CMC1: variants seen among roughly 807,000 people sequenced by gnomAD.
CMC1 encodes the protein C-X9-C motif containing 1.
Under a neutral mutation model 14.1 loss-of-function variants are expected in CMC1, and 14 were observed. The observed-to-expected ratio is 0.99, with a 90% CI of 0.66 to 1.55. The LOEUF is 1.55. Ranked by LOEUF, CMC1 falls within the 40% of genes most tolerant of loss-of-function variation. The pLI, the probability that CMC1 is intolerant of heterozygous loss-of-function variation, is 0.00. For synonymous variants in CMC1, 50 were observed against 38.4 expected, an observed-to-expected ratio of 1.30 and a Z score of -1.12; for missense variants, 127 against 123.8, an observed-to-expected ratio of 1.03 and a Z score of -0.12.
chr3:28,254,970 T>G (rs1699316323), intron 1 of CMC1, among the ~76,000 whole-genome samples: 1 of 152,168 alleles, frequency 6.6e-6, no homozygotes, highest in Admixed American at 6.5e-5. Context: ...AGCATCAGCT[T>G]TCCACTCTAC....
chr3:28,300,690 TCCCTTTCC>T (rs1322607567), intron 2 of CMC1, among the ~76,000 whole-genome samples: 11 of 115,702 alleles, frequency 9.5e-5, no homozygotes, highest in South Asian at 7.0e-4. Flanking sequence ...TCCCTTTCCC[TCCCTTTCC>T]CTCCCTCTCA....
chr3:28,241,842 G>A (rs908444799), intron 1 of CMC1, 30 bp downstream of exon 1: 2 of 1,236,422 alleles, frequency 1.6e-6, no homozygotes, highest in Non-Finnish European at 2.0e-6. Flanking sequence ...GGTTTGCCGA[G>A]GGGCCTCGCC....
intron 2 of CMC1, among the ~76,000 whole-genome samples, chr3:28,291,378 A>G (rs1298290817): frequency 6.6e-6 from 1 of 151,974 alleles, no homozygotes; most frequent in African/African-American, 2.4e-5. Flanking sequence ...TTTCCCCTCT[A>G]TATTTACTGT....
At chr3:28,283,301 G>A (rs1213121005) in intron 2 of CMC1, among the ~76,000 whole-genome samples, 4 of 151,916 alleles carry the variant, frequency 2.6e-5, no homozygotes, top group Non-Finnish European at 4.4e-5. Flanking sequence ...ATCACTTGAG[G>A]TCAGGAGTTC....
intron 1 of CMC1, among the ~76,000 whole-genome samples, chr3:28,247,785 G>A (rs995076698): frequency 1.3e-5 from 2 of 152,144 alleles, no homozygotes; most frequent in Admixed American, 6.5e-5. Flanking sequence ...CCAGTAAAGT[G>A]TCACAGGTTG....
chr3:28,313,994 G>A (rs554128736), intron 2 of CMC1, among the ~76,000 whole-genome samples: 1 of 152,164 alleles, frequency 6.6e-6, no homozygotes, highest in Non-Finnish European at 1.5e-5. Flanking sequence ...AACTGGTCTG[G>A]TATAGGTATA....
chr3:28,289,196 GAGT>G (rs780431422), intron 2 of CMC1, among the ~76,000 whole-genome samples: 30 of 151,676 alleles, frequency 2.0e-4, no homozygotes, highest in Non-Finnish European at 3.7e-4. Context: ...AAGTCTCGAT[GAGT>G]GCTCTAAAAA....
intron 2 of CMC1, among the ~76,000 whole-genome samples, chr3:28,271,611 A>G (rs1191845654): frequency 6.6e-6 from 1 of 152,176 alleles, no homozygotes; most frequent in Non-Finnish European, 1.5e-5. Context: ...GTAGCCTTAC[A>G]GTTTGAAGTC....
chr3:28,286,158 TATC>T (rs1301545996), intron 2 of CMC1, among the ~76,000 whole-genome samples: 2 of 152,222 alleles, frequency 1.3e-5, no homozygotes, highest in African/African-American at 4.8e-5. Context: ...GAATCTAAGA[TATC>T]ATTGTTGGCC....
In CMC1 at chr3:28,316,355, C is replaced by T; in HGVS notation, c.132C>T (p.Asn44=). The change falls in exon 3 of 4, where the codon AAC becomes AAT. Residue 44 remains asparagine (N), a synonymous_variant. Coordinates refer to ENST00000466830, the MANE Select transcript of CMC1 (RefSeq NM_182523.2). ...QVQDFTKCCK[N]SGVLMVVKCR... The stretch of plus-strand genomic sequence containing the variant: ...CAGATTTTACCAAATGTTGCAAGAA[C>T]TCTGGAGTTCTTATGGTAGTAAAAT... 6.3e-7 allele frequency: 1 copy of T among 1,577,414 alleles called. No individual in the cohort carries two copies. Among genetic ancestry groups the T allele is most frequent in the African/African-American group, 1.4e-5 (1 of 73,170 alleles).
At chr3:28,319,441 T>TA in intron 3 of CMC1, 68 bp from the exon 4 acceptor site, 4 of 1,355,798 alleles carry the variant, frequency 3.0e-6, no homozygotes, top group Non-Finnish European at 3.1e-6. Context: ...TATTAGTAAT[T>TA]AAAGTAAGCT....
intron 3 of CMC1, chr3:28,317,646 T>C (rs1487894601): frequency 6.6e-6 from 1 of 151,880 alleles, no homozygotes; most frequent in Non-Finnish European, 1.5e-5. Flanking sequence ...TAGAGCAGAG[T>C]AGACAGGAGT....
At position 28,277,821 on chromosome 3, in the gene CMC1, G is replaced by A. The variant is rs547057660; in HGVS notation, c.109+14441G>A. Reference sequence around the variant, plus strand: ...ACTGTGGTTAGCTTGGAATGAATGAGGGGTAGAGTGAATAGGGAGGAGTTC... The same window carrying A: ...ACTGTGGTTAGCTTGGAATGAATGAAGGGTAGAGTGAATAGGGAGGAGTTC... On this transcript the variant is annotated intron_variant, in intron 2 of 3. Transcript: ENST00000466830. Among the ~76,000 whole-genome samples the A allele has an allele frequency of 2.0e-5, 3 of 152,320 alleles. No homozygotes were observed. The East Asian group carries it at 5.8e-4, about 29-fold the overall frequency.
rs956851508 is a variant in CMC1 at position 28,250,935 on chromosome 3, G to A, written c.19+9123G>A. ...TCCCTTTGGATTCTTCAGTACACTC[G>A]TCTTAATATCCTCATTTTGGCAAAT... On this transcript the variant is annotated intron_variant, in intron 1 of 3. Coordinates refer to ENST00000466830, the MANE Select transcript of CMC1 (RefSeq NM_182523.2). Among the ~76,000 whole-genome samples, 13 of 152,114 alleles carry A rather than the reference G, an allele frequency of 8.5e-5. 1 individual carries two copies. Among genetic ancestry groups the A allele is most frequent in the South Asian group, 8.3e-4 (4 of 4,830 alleles).
At chr3:28,242,125 C>G (rs1698558959) in intron 1 of CMC1, among the ~76,000 whole-genome samples, 2 of 152,200 alleles carry the variant, frequency 1.3e-5, no homozygotes, top group African/African-American at 4.8e-5. Flanking sequence ...TTAATGTATG[C>G]TGCAGACACT....
At chr3:28,255,040 C>T (rs1699320509) in intron 1 of CMC1, among the ~76,000 whole-genome samples, 1 of 152,150 alleles carries the variant, frequency 6.6e-6, no homozygotes, top group Non-Finnish European at 1.5e-5. Flanking sequence ...TCTCTCTTAT[C>T]TGATCCTTCT....
chr3:28,255,387 C>T lies in CMC1; in HGVS notation c.20-7904C>T, dbSNP rs962061993. ...TCCTGAGAAGCTGGGACTATAGATG[C>T]GCGCCACCATGCCTGGGTGATTTTT... On this transcript the variant is annotated intron_variant, in intron 1 of 3. Coordinates refer to ENST00000466830, the MANE Select transcript of CMC1 (RefSeq NM_182523.2). 4.6e-5 allele frequency among the ~76,000 whole-genome samples: 7 copies of T among 151,856 alleles called. No individual in the cohort carries two copies. The Middle Eastern group carries it at 0.014, about 295-fold the overall frequency.
chr3:28,316,684 T>C (rs1702943303), intron 3 of CMC1: 2 of 248,766 alleles, frequency 8.0e-6, no homozygotes, highest in South Asian at 1.5e-4. Context: ...ATTTAATAAA[T>C]CTTTTTTCAT....
chr3:28,272,754 G>A (rs1205031692), intron 2 of CMC1, among the ~76,000 whole-genome samples: 1 of 151,936 alleles, frequency 6.6e-6, no homozygotes, highest in African/African-American at 2.4e-5. Context: ...TGTGATCTTG[G>A]CTCACTGCAA....
Sources: allele counts gnomAD v4.1 joint callset (sites outside exome capture counted in the v4.1 genomes callset), GRCh38; gene constraint gnomAD v4.1.1; transcripts MANE v1.5; gene names NCBI Gene and HGNC (gene_info 2026-07-23, HGNC 2026-07-21).